Variants in SYN3 observed in about 807,000 individuals in gnomAD.
SYN3 encodes synapsin III, also known as synapsin-3.
SYN3 carries 35 observed loss-of-function variants against 65.8 expected under a neutral mutation model. The ratio of observed to expected loss-of-function variants is 0.53; its 90% CI spans 0.41 to 0.70. The LOEUF (loss-of-function observed/expected upper bound fraction) is 0.70, where lower values mean the gene tolerates loss of function less well. SYN3 is among the 30% of genes least tolerant of loss of function. SYN3 has a pLI of 0.00. For missense variants in SYN3, 680 were observed against 749.0 expected, an observed-to-expected ratio of 0.91 and a Z score of 1.08; for synonymous variants, 270 against 292.9, an observed-to-expected ratio of 0.92 and a Z score of 0.80.
At chr22:32,774,607 T>TC (rs55943411) in intron 6 of SYN3, among the ~76,000 whole-genome samples, 371 of 151,980 alleles carry the variant, frequency 2.4e-3, no homozygotes, top group African/African-American at 8.3e-3. Context: ...TTTTTTTTTT[T>TC]CTTTTCCCGA....
chr22:32,810,282 T>C (rs2046882030), intron 6 of SYN3, among the ~76,000 whole-genome samples: 1 of 152,152 alleles, frequency 6.6e-6, no homozygotes, highest in African/African-American at 2.4e-5. Flanking sequence ...TAGGATGGCT[T>C]TGCTGTCACA....
At chr22:32,830,225 G>A (rs1292913237) in intron 6 of SYN3, among the ~76,000 whole-genome samples, 1 of 152,120 alleles carries the variant, frequency 6.6e-6, no homozygotes, top group African/African-American at 2.4e-5. Flanking sequence ...TCTTGGGAAA[G>A]GGGGCCTCTC....
chr22:32,940,760 C>T (rs2050913254), intron 3 of SYN3, among the ~76,000 whole-genome samples: 1 of 152,164 alleles, frequency 6.6e-6, no homozygotes, highest in South Asian at 2.1e-4. Context: ...ATTAATGTAG[C>T]TTTACAGTGA....
intron 6 of SYN3, among the ~76,000 whole-genome samples, chr22:32,834,612 G>T (rs1311739053): frequency 6.6e-6 from 1 of 152,204 alleles, no homozygotes; most frequent in Non-Finnish European, 1.5e-5. Flanking sequence ...ATGTTTTGCA[G>T]ATACTCTGTG....
intron 8 of SYN3, among the ~76,000 whole-genome samples, chr22:32,540,253 T>C (rs1035730105): frequency 6.6e-6 from 1 of 152,182 alleles, no homozygotes. Flanking sequence ...AATCCATAAA[T>C]GGGCGTGCAT....
At chr22:32,534,795 G>C (rs1204925283) in intron 9 of SYN3, among the ~76,000 whole-genome samples, 1 of 152,164 alleles carries the variant, frequency 6.6e-6, no homozygotes, top group Admixed American at 6.5e-5. Flanking sequence ...TGACTGGAAT[G>C]CTCTTAGAAT....
chr22:32,662,883 A>T (rs1326415104), intron 6 of SYN3, among the ~76,000 whole-genome samples: 2 of 152,228 alleles, frequency 1.3e-5, no homozygotes, highest in African/African-American at 2.4e-5. Context: ...TTGCCTTACA[A>T]AGTATCCCCA....
intron 6 of SYN3, among the ~76,000 whole-genome samples, chr22:32,680,994 T>C (rs963290805): frequency 3.3e-5 from 5 of 152,214 alleles, no homozygotes; most frequent in African/African-American, 9.6e-5. Flanking sequence ...CTACTTCTTA[T>C]TTAAAGCTCA....
intron 6 of SYN3, among the ~76,000 whole-genome samples, chr22:32,704,725 ACT>A (rs1225734510): frequency 6.6e-6 from 1 of 152,194 alleles, no homozygotes; most frequent in Non-Finnish European, 1.5e-5. Flanking sequence ...AGCATCTGTT[ACT>A]TTTTGACTTT....
At chr22:32,907,480 T>C (rs1228650832) in intron 4 of SYN3, among the ~76,000 whole-genome samples, 4 of 152,176 alleles carry the variant, frequency 2.6e-5, no homozygotes, top group Non-Finnish European at 5.9e-5. Flanking sequence ...ATTCAGCAAA[T>C]GCCTACTATG....
rs130731 is a variant in SYN3, at chr22:32,665,489, GTATA to G, written c.712-68757_712-68754del. ...GGCTGAGTAGTATGCCACAGTGTGT[GTATA>G]TATATATATATATATATGTCTCACA... On this transcript the variant is annotated intron_variant, in intron 6 of 13. Transcript: ENST00000358763. Among the ~76,000 whole-genome samples, 437 of 141,164 alleles carry G rather than the reference GTATA, an allele frequency of 3.1e-3. 1 individual carries two copies. The highest frequency in any genetic ancestry group is 0.011 in the African/African-American group (377 of 34,568). 92.6% of individuals were successfully genotyped at this position (141,164 alleles called of 152,430 possible).
chr22:32,713,967 G>A (rs1387113750), intron 6 of SYN3, among the ~76,000 whole-genome samples: 3 of 152,292 alleles, frequency 2.0e-5, no homozygotes, highest in East Asian at 3.9e-4. Flanking sequence ...ACCCAGTTAT[G>A]TGTGACTACG....
chr22:32,596,841 G>T, intron 6 of SYN3, 105 bp from the exon 7 acceptor site: 1 of 1,169,804 alleles, frequency 8.5e-7, no homozygotes, highest in Non-Finnish European at 1.2e-6. Flanking sequence ...CATATGGTCG[G>T]GAATCCCCAC....
In SYN3 at chr22:33,006,332, A is replaced by G; in HGVS notation, c.311+20T>C. 1 of 1,579,912 alleles carries G rather than the reference A, an allele frequency of 6.3e-7. No individual in the cohort carries two copies. On this transcript the variant is annotated intron_variant, in intron 2 of 13. Coordinates refer to ENST00000358763, the MANE Select transcript of SYN3 (RefSeq NM_003490.4). ...CTCTCTTGCCCCAGAAGGTGGTAGC[A>G]CTTGCAAATTCCTACTTACCAGTCT...
At chr22:32,765,098 T>C (rs2045589268) in intron 6 of SYN3, among the ~76,000 whole-genome samples, 2 of 149,388 alleles carry the variant, frequency 1.3e-5, no homozygotes, top group Non-Finnish European at 3.0e-5. Context: ...GGATGACAAC[T>C]ATTTTTCCCT....
chr22:32,708,385 G>A (rs2060908784), intron 6 of SYN3, among the ~76,000 whole-genome samples: 1 of 152,234 alleles, frequency 6.6e-6, no homozygotes, highest in East Asian at 1.9e-4. Flanking sequence ...CCACCACGAT[G>A]TAGTAGGCAG....
intron 6 of SYN3, among the ~76,000 whole-genome samples, chr22:32,825,141 TGGGAGGACTTGG>T (rs2047364930): frequency 6.6e-6 from 1 of 151,236 alleles, no homozygotes; most frequent in Admixed American, 6.6e-5. Flanking sequence ...GGGCAGTGGG[TGGGAGGACTTGG>T]GGGAGGGATG....
At chr22:32,732,256 C>A (rs1269360330) in intron 6 of SYN3, among the ~76,000 whole-genome samples, 1 of 152,188 alleles carries the variant, frequency 6.6e-6, no homozygotes, top group Non-Finnish European at 1.5e-5. Context: ...ATCCCCAGCA[C>A]TTAGGACAGT....
chr22:32,577,365 C>T (rs1683772395), intron 7 of SYN3, among the ~76,000 whole-genome samples: 1 of 152,158 alleles, frequency 6.6e-6, no homozygotes, highest in African/African-American at 2.4e-5. Context: ...GCTCCTGTTG[C>T]CCATGACATT....
Sources: allele counts gnomAD v4.1 joint callset (sites outside exome capture counted in the v4.1 genomes callset), GRCh38; gene constraint gnomAD v4.1.1; transcripts MANE v1.5; gene names NCBI Gene and HGNC (gene_info 2026-07-23, HGNC 2026-07-21).